Variants in FHIT observed in about 807,000 individuals in gnomAD.
The protein encoded by FHIT is bis(5'-adenosyl)-triphosphatase.
In FHIT, 19 loss-of-function variants were observed where a neutral mutation model predicts 17.9. The ratio of observed to expected loss-of-function variants is 1.06; its 90% CI spans 0.74 to 1.56. The LOEUF is 1.56. FHIT is among the 40% of genes most tolerant of loss of function. The pLI is 0.00. For synonymous variants in FHIT, 81 were observed against 69.7 expected (o/e 1.16, Z -0.81); for missense variants, 248 against 189.2 (o/e 1.31, Z -1.82).
At chr3:60,834,117 A>G (rs1240488225) in intron 3 of FHIT, among the ~76,000 whole-genome samples, 1 of 152,206 alleles carries the variant, frequency 6.6e-6, no homozygotes, top group Non-Finnish European at 1.5e-5. Flanking sequence ...TGGTGTGAAC[A>G]TAAGCTTTTG....
intron 5 of FHIT, among the ~76,000 whole-genome samples, chr3:60,119,659 G>A (rs1705156632): frequency 6.6e-6 from 1 of 152,070 alleles, no homozygotes; most frequent in African/African-American, 2.4e-5. Context: ...CTAGAAACCT[G>A]GAAATAAACT....
At chr3:60,021,502 CA>C (rs1441070602) in intron 5 of FHIT, among the ~76,000 whole-genome samples, 1 of 152,058 alleles carries the variant, frequency 6.6e-6, no homozygotes, top group African/African-American at 2.4e-5. Context: ...GGAAGAGCAT[CA>C]TATCTGGAAA....
At chr3:59,807,397 C>T (rs1048325535) in intron 8 of FHIT, among the ~76,000 whole-genome samples, 1 of 152,148 alleles carries the variant, frequency 6.6e-6, no homozygotes, top group Admixed American at 6.5e-5. Flanking sequence ...TATGGGGTGT[C>T]ATCAGCAAGA....
chr3:60,412,626 G>A lies in FHIT; in HGVS notation c.103+124234C>T, dbSNP rs527417692. 2.1e-4 allele frequency among the ~76,000 whole-genome samples: 32 copies of A among 152,094 alleles called. No homozygotes were observed. The South Asian group carries it at 5.0e-3, about 24-fold the overall frequency. ...TTCATTCCTCATAGCCATACCAGGAGGTAGCCCATTTGCAGATGGGCAAAC... is the reference window on the plus strand; with the variant it reads ...TTCATTCCTCATAGCCATACCAGGAAGTAGCCCATTTGCAGATGGGCAAAC... On this transcript the variant is annotated intron_variant, in intron 5 of 9. Coordinates refer to ENST00000492590, the MANE Select transcript of FHIT (RefSeq NM_002012.4).
intron 4 of FHIT, among the ~76,000 whole-genome samples, chr3:60,686,813 A>C (rs1275554927): frequency 2.0e-5 from 3 of 152,178 alleles, no homozygotes; most frequent in African/African-American, 7.2e-5. Flanking sequence ...CAGGAGTTTC[A>C]GCCACTCTGT....
intron 1 of FHIT, among the ~76,000 whole-genome samples, chr3:61,222,026 C>G (rs1560090983): frequency 6.6e-6 from 1 of 152,212 alleles, no homozygotes; most frequent in Non-Finnish European, 1.5e-5. Context: ...CTCCTGGCTC[C>G]TGGCCCAGTG....
At chr3:60,960,656 A>G (rs565778247) in intron 3 of FHIT, among the ~76,000 whole-genome samples, 70 of 152,198 alleles carry the variant, frequency 4.6e-4, no homozygotes, top group African/African-American at 1.3e-3. Context: ...TCATTGTTCA[A>G]TTCCCACCTA....
intron 5 of FHIT, among the ~76,000 whole-genome samples, chr3:60,412,971 G>C (rs1702118883): frequency 6.6e-6 from 1 of 152,102 alleles, no homozygotes; most frequent in African/African-American, 2.4e-5. Flanking sequence ...ATGATTGTAA[G>C]TTCCCTGAGG....
At chr3:60,923,657 C>T (rs1377777950) in intron 3 of FHIT, among the ~76,000 whole-genome samples, 1 of 152,130 alleles carries the variant, frequency 6.6e-6, no homozygotes, top group Non-Finnish European at 1.5e-5. Context: ...GTGATTTCTG[C>T]ATTTCCAACT....
rs79235991 is a variant in FHIT, at chr3:60,123,333, G to C, written c.104-109181C>G. 1.3e-3 allele frequency among the ~76,000 whole-genome samples: 199 copies of C among 152,236 alleles called. 1 individual carries two copies. Among genetic ancestry groups the C allele is most frequent in the African/African-American group, 4.5e-3 (189 of 41,544 alleles). Reference sequence around the variant, plus strand: ...GTGTTTCATAATGGATGTTAAACTTGATTTAACATATGGTTGGCTCATTTG... The same window carrying C: ...GTGTTTCATAATGGATGTTAAACTTCATTTAACATATGGTTGGCTCATTTG... On this transcript the variant is annotated intron_variant, in intron 5 of 9. Transcript: ENST00000492590.
Position 60,135,869 on chromosome 3 carries a change from T to C in FHIT, c.104-121717A>G, listed in dbSNP as rs1699795050. Among the ~76,000 whole-genome samples, 3 of 152,306 alleles carry C rather than the reference T, an allele frequency of 2.0e-5. No homozygotes were observed. The South Asian group carries it at 6.2e-4, about 32-fold the overall frequency. ...TTAATGGTGTCTGTTTCCTACATTT[T>C]CTTATCAGTAGAGTGGCTCAAAATC... On this transcript the variant is annotated intron_variant, in intron 5 of 9. Coordinates refer to ENST00000492590, the MANE Select transcript of FHIT (RefSeq NM_002012.4).
At chr3:60,011,455 T>G in intron 6 of FHIT, 55 bp from the exon 7 acceptor site, 1 of 1,426,798 alleles carries the variant, frequency 7.0e-7, no homozygotes, top group Admixed American at 1.7e-5. Context: ...TATCTCCTGC[T>G]TATTCAGAAA....
At chr3:60,091,561 G>C (rs764356781) in intron 5 of FHIT, among the ~76,000 whole-genome samples, 3 of 152,136 alleles carry the variant, frequency 2.0e-5, no homozygotes, top group East Asian at 1.9e-4. Context: ...GTATGATATG[G>C]TTTGAATCTG....
At position 59,864,740 on chromosome 3, in the gene FHIT, C is replaced by A. The variant is rs148592542; in HGVS notation, c.348+57606G>T. Among the ~76,000 whole-genome samples, 87 of 150,626 alleles carry A rather than the reference C, an allele frequency of 5.8e-4. 1 individual carries two copies. The East Asian group carries it at 0.017, about 29-fold the overall frequency. On this transcript the variant is annotated intron_variant, in intron 8 of 9. Coordinates refer to ENST00000492590, the MANE Select transcript of FHIT (RefSeq NM_002012.4). ...GCACACAACGTGGGCCTCTAAGAAG[C>A]AATGCTTTTCTGTGGAAGAAGGAAG...
At chr3:60,921,415 T>G (rs1185720079) in intron 3 of FHIT, among the ~76,000 whole-genome samples, 2 of 152,116 alleles carry the variant, frequency 1.3e-5, no homozygotes, top group African/African-American at 4.8e-5. Context: ...AACAGAGAAG[T>G]GAAGAACAGT....
In FHIT at chr3:60,868,841, A is replaced by G. The variant is rs958062841; in HGVS notation, c.-110-46830T>C. 2.0e-5 allele frequency among the ~76,000 whole-genome samples: 3 copies of G among 152,278 alleles called. No homozygotes were observed. In the South Asian group the frequency reaches 6.2e-4, roughly 32 times the overall value. ...CATGAAAATATCAAGTAACAACTCA[A>G]AGGCCCATTTCAGCTTCAAATACCT... On this transcript the variant is annotated intron_variant, in intron 3 of 9. Transcript: ENST00000492590.
chr3:59,915,472 TG>T (rs1431347143), intron 8 of FHIT, among the ~76,000 whole-genome samples: 4 of 152,234 alleles, frequency 2.6e-5, no homozygotes, highest in African/African-American at 7.2e-5. Context: ...TGGCATCCTT[TG>T]CCTTGAAGCT....
chr3:60,666,126 A>G (rs1319323764), intron 4 of FHIT, among the ~76,000 whole-genome samples: 1 of 152,130 alleles, frequency 6.6e-6, no homozygotes, highest in Non-Finnish European at 1.5e-5. Context: ...ATCAAACATG[A>G]TTTATAAAAC....
rs564004705 is a variant in FHIT at position 61,041,951 on chromosome 3, T to C, written c.-111+96A>G. On this transcript the variant is annotated intron_variant, in intron 3 of 9. Coordinates refer to ENST00000492590, the MANE Select transcript of FHIT (RefSeq NM_002012.4). ...ATTCATATATCTCTCCTTCTAAATA[T>C]TTATTATTTTTGAACAGACCCGCTT... The C allele has an allele frequency of 6.6e-5, 10 of 152,338 alleles. No individual in the cohort carries two copies. In the East Asian group the frequency reaches 1.9e-3, roughly 29 times the overall value. The allele number at this position is 152,338 out of a possible 1,614,324, so 9.4% of individuals were successfully genotyped here.
Sources: gnomAD v4.1 joint callset for allele counts (sites outside exome capture counted in the v4.1 genomes callset) on GRCh38, gnomAD v4.1.1 for gene constraint, MANE v1.5 for transcripts, NCBI Gene and HGNC (gene_info 2026-07-23, HGNC 2026-07-21) for gene names.